Variants in CNTNAP2 observed in about 807,000 individuals in gnomAD.
CNTNAP2 encodes contactin-associated protein-like 2.
A neutral mutation model predicts 155.2 loss-of-function variants in CNTNAP2; 98 were observed. The ratio of observed to expected loss-of-function variants is 0.63; its 90% CI spans 0.54 to 0.75. The LOEUF (loss-of-function observed/expected upper bound fraction) is 0.75, where lower values mean the gene tolerates loss of function less well. Among genes scored for constraint, CNTNAP2 ranks in the 30% least tolerant of loss-of-function variants. The pLI is 0.00. For missense variants in CNTNAP2, 1,727 were observed against 1,688.1 expected (o/e 1.02, Z -0.40); for synonymous variants, 651 against 631.2 (o/e 1.03, Z -0.47).
chr7:146,543,173 A>T (rs897054692), intron 1 of CNTNAP2, among the ~76,000 whole-genome samples: 3 of 151,794 alleles, frequency 2.0e-5, no homozygotes, highest in Non-Finnish European at 2.9e-5. Flanking sequence ...CACTTAATAA[A>T]TTTTTTTTAT....
At chr7:147,899,078 G>A (rs1799818791) in intron 13 of CNTNAP2, among the ~76,000 whole-genome samples, 1 of 137,898 alleles carries the variant, frequency 7.3e-6, no homozygotes. Context: ...GGTCACTCAG[G>A]CCTTTCATCC....
intron 21 of CNTNAP2, among the ~76,000 whole-genome samples, chr7:148,362,699 C>T (rs1304565102): frequency 2.0e-5 from 3 of 152,166 alleles, no homozygotes; most frequent in Non-Finnish European, 4.4e-5. Context: ...ACTTACTACT[C>T]GTGTGCCAAA....
intron 10 of CNTNAP2, among the ~76,000 whole-genome samples, chr7:147,459,578 C>T (rs1378447133): frequency 6.6e-6 from 1 of 152,070 alleles, no homozygotes; most frequent in East Asian, 1.9e-4. Flanking sequence ...GATGAAAAGA[C>T]TACCAGGACC....
chr7:147,524,419 G>T (rs1410740174), intron 11 of CNTNAP2, among the ~76,000 whole-genome samples: 3 of 152,160 alleles, frequency 2.0e-5, no homozygotes, highest in Admixed American at 2.0e-4. Context: ...GCGTGGCTCT[G>T]TTATGCCCTG....
chr7:146,992,381 A>G (rs963656276), intron 3 of CNTNAP2, among the ~76,000 whole-genome samples: 4 of 152,306 alleles, frequency 2.6e-5, no homozygotes, highest in Admixed American at 6.5e-5. Flanking sequence ...GTTCAGCTGG[A>G]AACAGTGTTC....
chr7:148,220,251 T>C (rs1409793238), intron 19 of CNTNAP2, among the ~76,000 whole-genome samples: 1 of 152,142 alleles, frequency 6.6e-6, no homozygotes, highest in Admixed American at 6.5e-5. Context: ...TACAGGCGCC[T>C]GCCACAACGC....
intron 3 of CNTNAP2, among the ~76,000 whole-genome samples, chr7:147,013,728 A>T (rs1798668131): frequency 6.6e-6 from 1 of 152,120 alleles, no homozygotes; most frequent in Non-Finnish European, 1.5e-5. Context: ...ACATATAAGG[A>T]AGTATTTTCT....
chr7:146,591,024 G>A (rs1167840514), intron 1 of CNTNAP2, among the ~76,000 whole-genome samples: 2 of 152,148 alleles, frequency 1.3e-5, no homozygotes, highest in African/African-American at 4.8e-5. Context: ...ATGATAGTGA[G>A]AGAAAACAAC....
In CNTNAP2 at chr7:147,521,388, A is replaced by G. The variant is rs1301180842; in HGVS notation, c.1777+35347A>G. ...GCCTAGTAGAAAAAAGCTGGCCATCAAAATGTCTGCTTTATTACAATAAAA... is the reference window on the plus strand; with the variant it reads ...GCCTAGTAGAAAAAAGCTGGCCATCGAAATGTCTGCTTTATTACAATAAAA... On this transcript the variant is annotated intron_variant, in intron 11 of 23. Transcript: ENST00000361727. Among the ~76,000 whole-genome samples the G allele has an allele frequency of 2.0e-5, 3 of 152,220 alleles. No individual in the cohort carries two copies. The South Asian group carries it at 6.2e-4, about 32-fold the overall frequency.
chr7:147,324,859 C>A (rs1361882954), intron 9 of CNTNAP2, among the ~76,000 whole-genome samples: 1 of 152,074 alleles, frequency 6.6e-6, no homozygotes, highest in Admixed American at 6.6e-5. Context: ...CAAAGATACA[C>A]CTCAGCAGTA....
At chr7:146,309,698 G>A (rs10227710) in intron 1 of CNTNAP2, among the ~76,000 whole-genome samples, 12,930 of 151,880 alleles carry the variant, frequency 0.085, 1,553 homozygotes, top group African/African-American at 0.27. Context: ...GCTACTCGGA[G>A]GATGAGGCAG....
At chr7:146,571,191 G>T (rs1300620019) in intron 1 of CNTNAP2, among the ~76,000 whole-genome samples, 1 of 152,020 alleles carries the variant, frequency 6.6e-6, no homozygotes, top group Non-Finnish European at 1.5e-5. Flanking sequence ...ATAATTCATG[G>T]TGTACTCAAA....
intron 18 of CNTNAP2, among the ~76,000 whole-genome samples, chr7:148,213,190 C>A (rs938853210): frequency 2.6e-5 from 4 of 152,116 alleles, no homozygotes; most frequent in Non-Finnish European, 5.9e-5. Context: ...CACCTGGGGA[C>A]CTGCGAAAAA....
intron 17 of CNTNAP2, among the ~76,000 whole-genome samples, chr7:148,160,848 A>G (rs971971577): frequency 6.6e-6 from 1 of 152,202 alleles, no homozygotes; most frequent in South Asian, 2.1e-4. Context: ...TGGAAATACC[A>G]GATATTTCTT....
chr7:146,621,670 A>G (rs1369087653), intron 1 of CNTNAP2, among the ~76,000 whole-genome samples: 10 of 152,146 alleles, frequency 6.6e-5, no homozygotes, highest in Admixed American at 3.9e-4. Context: ...TAGGATACAC[A>G]CTAGCAACAC....
Position 146,309,866 on chromosome 7 carries a change from A to G in CNTNAP2, c.97+192893A>G, listed in dbSNP as rs371066756. Among the ~76,000 whole-genome samples, 14 of 151,814 alleles carry G rather than the reference A, an allele frequency of 9.2e-5. No homozygotes were observed. In the East Asian group the frequency reaches 1.7e-3, roughly 19 times the overall value. On this transcript the variant is annotated intron_variant, in intron 1 of 23. Coordinates refer to ENST00000361727, the MANE Select transcript of CNTNAP2 (RefSeq NM_014141.6). ...GAAGGAAGGAAGGAAAGAAAGAAGG[A>G]AGGAAGGGAAAGAGGAAATAGAATT...
chr7:146,871,955 T>G (rs1795318794), intron 3 of CNTNAP2, among the ~76,000 whole-genome samples: 1 of 152,064 alleles, frequency 6.6e-6, no homozygotes, highest in Non-Finnish European at 1.5e-5. Context: ...CTAATTATGT[T>G]TTCTTCTACA....
intron 3 of CNTNAP2, among the ~76,000 whole-genome samples, chr7:147,021,162 A>G (rs1410718997): frequency 6.6e-6 from 1 of 152,148 alleles, no homozygotes; most frequent in Non-Finnish European, 1.5e-5. Context: ...GCCCAACACC[A>G]ATTTGTAAAC....
At position 147,224,540 on chromosome 7, in the gene CNTNAP2, C is replaced by G. The variant is rs181280938; in HGVS notation, c.1349-75601C>G. ...CTTTCTACCCTTCTTGACTAGAATA[C>G]TAAAATAATCCAATAATTATTTTAT... On this transcript the variant is annotated intron_variant, in intron 8 of 23. Transcript: ENST00000361727. Among the ~76,000 whole-genome samples, 405 of 152,150 alleles carry G rather than the reference C, an allele frequency of 2.7e-3. 1 individual carries two copies. Among genetic ancestry groups the G allele is most frequent in the African/African-American group, 9.1e-3 (379 of 41,498 alleles).
Sources: gnomAD v4.1 joint callset for allele counts (sites outside exome capture counted in the v4.1 genomes callset) on GRCh38, gnomAD v4.1.1 for gene constraint, MANE v1.5 for transcripts, NCBI Gene and HGNC (gene_info 2026-07-23, HGNC 2026-07-21) for gene names.